Variants in ZNF808 observed in about 807,000 individuals in gnomAD.
ZNF808 encodes the protein zinc finger protein 808.
ZNF808 carries 5 observed loss-of-function variants against 8.7 expected under a neutral mutation model. The observed-to-expected ratio is 0.58, with a 90% CI of 0.30 to 1.21. The LOEUF is 1.21. Among genes scored for constraint, ZNF808 ranks in the 50% most tolerant of loss-of-function variants. The pLI, the probability that ZNF808 is intolerant of heterozygous loss-of-function variation, is 0.07. For synonymous variants in ZNF808, 380 were observed against 366.0 expected, an observed-to-expected ratio of 1.04 and a Z score of -0.44; for missense variants, 1,103 against 1,098.4, an observed-to-expected ratio of 1.00 and a Z score of -0.06.
chr19:52,543,028 C>G (rs986626727), intron 2 of ZNF808, among the ~76,000 whole-genome samples: 1 of 151,848 alleles, frequency 6.6e-6, no homozygotes, highest in Non-Finnish European at 1.5e-5. Flanking sequence ...CAGCCCAGGT[C>G]CCCCCTGCTG....
chr19:52,559,854 G>A (rs1161039016), downstream of ZNF808, among the ~76,000 whole-genome samples: 1 of 152,086 alleles, frequency 6.6e-6, no homozygotes, highest in Non-Finnish European at 1.5e-5. Context: ...AGCCTCTCGA[G>A]TAGCTGGGAT....
At chr19:52,565,667 G>A (rs1164024679), downstream of ZNF808, among the ~76,000 whole-genome samples, 4 of 152,158 alleles carry the variant, frequency 2.6e-5, no homozygotes, top group Non-Finnish European at 5.9e-5. Flanking sequence ...TAAGGCATAA[G>A]TGACTATTCC....
At chr19:52,567,150 TCAC>T (rs964216423), downstream of ZNF808, among the ~76,000 whole-genome samples, 11 of 152,014 alleles carry the variant, frequency 7.2e-5, no homozygotes, top group African/African-American at 2.7e-4. Flanking sequence ...CGGGGTTTCA[TCAC>T]GTTCGCAAGG....
intron 2 of ZNF808, among the ~76,000 whole-genome samples, chr19:52,537,506 G>C (rs1175069112): frequency 5.3e-5 from 8 of 152,016 alleles, no homozygotes; most frequent in Admixed American, 3.9e-4. Context: ...AGGCAAAATA[G>C]ACACCCCATC....
intron 2 of ZNF808, among the ~76,000 whole-genome samples, chr19:52,540,257 G>T (rs747100269): frequency 6.6e-6 from 1 of 151,932 alleles, no homozygotes; most frequent in African/African-American, 2.4e-5. Flanking sequence ...TGGTCTTCCT[G>T]CCCCGGCCTC....
intron 2 of ZNF808, among the ~76,000 whole-genome samples, chr19:52,538,671 A>G (rs1357542231): frequency 2.0e-5 from 3 of 149,072 alleles, no homozygotes. Flanking sequence ...AGAGGGGCAT[A>G]AAATGAGCAG....
rs2059812651 is a variant in ZNF808, at chr19:52,554,440, A to G, written c.1524A>G (p.Glu508=). The G allele has an allele frequency of 1.9e-6, 3 of 1,613,830 alleles. No homozygotes were observed. Among genetic ancestry groups the G allele is most frequent in the Middle Eastern group, 1.6e-4 (1 of 6,062 alleles). Reference sequence around the variant, plus strand: ...GCCATCGTAGACTTCATAGTGGTGAAAAACCTTACAAGTGTAATCAGTGTG... The same window carrying G: ...GCCATCGTAGACTTCATAGTGGTGAGAAACCTTACAAGTGTAATCAGTGTG... ...LLCHRRLHSG[E]KPYKCNQCGN... The change falls in exon 5 of 5, where the codon GAA becomes GAG. Residue 508 remains glutamate (E), a synonymous_variant. Transcript: ENST00000359798.
chr19:52,568,732 A>G (rs2059879574), downstream of ZNF808, among the ~76,000 whole-genome samples: 1 of 152,234 alleles, frequency 6.6e-6, no homozygotes. Flanking sequence ...GTGTCCAAAT[A>G]AACTCTATAA....
intron 4 of ZNF808, among the ~76,000 whole-genome samples, chr19:52,550,304 C>T (rs945397927): frequency 9.2e-5 from 14 of 151,368 alleles, no homozygotes; most frequent in Non-Finnish European, 1.9e-4. Context: ...AATCTCAGTT[C>T]ACCACAACCT....
intron 1 of ZNF808, among the ~76,000 whole-genome samples, chr19:52,528,735 A>C (rs1190050370): frequency 6.6e-6 from 1 of 152,006 alleles, no homozygotes; most frequent in East Asian, 1.9e-4. Context: ...ACACCTGGGG[A>C]TCTGGGGTGA....
At chr19:52,545,609 C>T (rs117984490) in intron 3 of ZNF808, among the ~76,000 whole-genome samples, 1,798 of 152,062 alleles carry the variant, frequency 0.012, 16 homozygotes, top group Middle Eastern at 0.024. Context: ...GAAACCCTGT[C>T]GCTGCTAAAT....
chr19:52,540,511 G>T (rs1470162125), intron 2 of ZNF808, among the ~76,000 whole-genome samples: 1 of 152,096 alleles, frequency 6.6e-6, no homozygotes, highest in Non-Finnish European at 1.5e-5. Flanking sequence ...GGTTGTTTCA[G>T]TGTGTACTTG....
Position 52,539,548 on chromosome 19 carries a change from GTTTTTTTTT to G in ZNF808, c.-19-3701_-19-3693del, listed in dbSNP as rs71180473. ...TAATTTACTTATTTTTGTTGTGGTG[GTTTTTTTTT>G]TTTTTTTTTTTTTTTTGACGGAGTT... On this transcript the variant is annotated intron_variant, in intron 2 of 4. Transcript: ENST00000359798. Among the ~76,000 whole-genome samples the G allele has an allele frequency of 5.8e-5, 3 of 51,966 alleles. No homozygotes were observed. In the Admixed American group the frequency reaches 8.3e-4, roughly 14 times the overall value. 34.1% of individuals were successfully genotyped at this position (51,966 alleles called of 152,430 possible).
intron 3 of ZNF808, among the ~76,000 whole-genome samples, chr19:52,546,122 G>C (rs1361469447): frequency 2.0e-5 from 3 of 151,652 alleles, no homozygotes; most frequent in African/African-American, 7.3e-5. Flanking sequence ...GAAGCACTTA[G>C]AACAGTGTAT....
intron 2 of ZNF808, among the ~76,000 whole-genome samples, chr19:52,537,295 A>G (rs2059622644): frequency 6.6e-6 from 1 of 152,128 alleles, no homozygotes; most frequent in African/African-American, 2.4e-5. Context: ...GTACAAAATG[A>G]GGAGCACAAT....
chr19:52,542,692 G>A (rs568240581), intron 2 of ZNF808, among the ~76,000 whole-genome samples: 34 of 152,264 alleles, frequency 2.2e-4, no homozygotes, highest in African/African-American at 8.2e-4. Context: ...TATGTAAGAA[G>A]TACATTGGTT....
At chr19:52,565,285 TAAAA>T (rs1307694451), downstream of ZNF808, among the ~76,000 whole-genome samples, 1 of 151,492 alleles carries the variant, frequency 6.6e-6, no homozygotes, top group Non-Finnish European at 1.5e-5. Context: ...TCTGAAAAAA[TAAAA>T]AACAATATCA....
chr19:52,530,041 C>G (rs182444975), intron 1 of ZNF808, among the ~76,000 whole-genome samples: 1 of 151,852 alleles, frequency 6.6e-6, no homozygotes, highest in Non-Finnish European at 1.5e-5. Context: ...AGGGATGGCC[C>G]ACCGCGTCTG....
intron 4 of ZNF808, among the ~76,000 whole-genome samples, chr19:52,550,673 C>T (rs2059768145): frequency 6.6e-6 from 1 of 152,050 alleles, no homozygotes; most frequent in South Asian, 2.1e-4. Context: ...TTATGCCTGG[C>T]ACAAGCCTGG....
Sources: gnomAD v4.1 joint callset for allele counts (sites outside exome capture counted in the v4.1 genomes callset) on GRCh38, gnomAD v4.1.1 for gene constraint, MANE v1.5 for transcripts, NCBI Gene and HGNC (gene_info 2026-07-23, HGNC 2026-07-21) for gene names.